Variants in WWOX observed in about 807,000 individuals in gnomAD.
WWOX encodes the protein WW domain containing oxidoreductase.
In WWOX, 69 loss-of-function variants were observed where a neutral mutation model predicts 46.2. That is an observed-to-expected ratio of 1.49 (90% CI 1.23 to 1.82). The LOEUF (loss-of-function observed/expected upper bound fraction) is 1.82, where lower values mean the gene tolerates loss of function less well. Ranked by LOEUF, WWOX falls within the 40% of genes most tolerant of loss-of-function variation. The pLI, the probability that WWOX is intolerant of heterozygous loss-of-function variation, is 0.00. For synonymous variants in WWOX, 359 were observed against 202.6 expected, an observed-to-expected ratio of 1.77 and a Z score of -6.56; for missense variants, 919 against 542.6, an observed-to-expected ratio of 1.69 and a Z score of -6.89.
chr16:78,444,439 A>G (rs2083512785), intron 8 of WWOX, among the ~76,000 whole-genome samples: 1 of 152,138 alleles, frequency 6.6e-6, no homozygotes, highest in Non-Finnish European at 1.5e-5. Context: ...TAAATTTTGG[A>G]TGAAAACTGA....
intron 8 of WWOX, among the ~76,000 whole-genome samples, chr16:79,181,897 G>A (rs1479632322): frequency 6.6e-6 from 1 of 152,120 alleles, no homozygotes; most frequent in Non-Finnish European, 1.5e-5. Flanking sequence ...GTTCCCCACT[G>A]GGATAGAGCA....
rs1403466206 is a variant in WWOX at position 78,278,785 on chromosome 16, A to ATC, written c.517-108075_517-108074insTC. ...CTGACAGACATGTACGATTTGCAAC[A>ATC]ACATCTATTATATGATTTAATTTAT... On this transcript the variant is annotated intron_variant, in intron 5 of 8. Transcript: ENST00000566780. 6 of 835,094 alleles carry ATC rather than the reference A, an allele frequency of 7.2e-6. No individual in the cohort carries two copies. In the African/African-American group the frequency reaches 8.6e-5, roughly 12 times the overall value. 51.7% of individuals were successfully genotyped at this position (835,094 alleles called of 1,614,324 possible).
At chr16:79,049,723 C>G (rs953461832) in intron 8 of WWOX, among the ~76,000 whole-genome samples, 43 of 151,930 alleles carry the variant, frequency 2.8e-4, no homozygotes, top group Middle Eastern at 3.4e-3. Flanking sequence ...GTAATCCCAG[C>G]CACTTGGGAG....
At chr16:78,741,459 C>G (rs1026027707) in intron 8 of WWOX, among the ~76,000 whole-genome samples, 2 of 152,150 alleles carry the variant, frequency 1.3e-5, no homozygotes, top group Non-Finnish European at 2.9e-5. Context: ...ACTCGGGAGG[C>G]TGAGGCAGGA....
At chr16:78,303,394 A>G (rs2080077095) in intron 5 of WWOX, among the ~76,000 whole-genome samples, 2 of 152,190 alleles carry the variant, frequency 1.3e-5, no homozygotes, top group Non-Finnish European at 2.9e-5. Flanking sequence ...CAGCCTACAC[A>G]GACATGAAAC....
At chr16:78,791,162 CT>C (rs1382526197) in intron 8 of WWOX, among the ~76,000 whole-genome samples, 1 of 152,066 alleles carries the variant, frequency 6.6e-6, no homozygotes, top group African/African-American at 2.4e-5. Context: ...TGACTCAGTG[CT>C]TTCCTGACTA....
At chr16:79,007,151 C>T (rs953657837) in intron 8 of WWOX, among the ~76,000 whole-genome samples, 1 of 152,126 alleles carries the variant, frequency 6.6e-6, no homozygotes, top group Admixed American at 6.5e-5. Flanking sequence ...ACTTCCAAAA[C>T]TTATGTTCCA....
At chr16:78,872,645 C>A (rs976428274) in intron 8 of WWOX, 1 of 152,088 alleles carries the variant, frequency 6.6e-6, no homozygotes, top group Non-Finnish European at 1.5e-5. Flanking sequence ...TTTTGCTTAC[C>A]TCACATTTGC....
At chr16:78,685,901 CAAAAAA>C (rs1456346932) in intron 8 of WWOX, among the ~76,000 whole-genome samples, 4 of 52,184 alleles carry the variant, frequency 7.7e-5, no homozygotes, top group Non-Finnish European at 2.8e-4. Flanking sequence ...GGAAAAAAAA[CAAAAAA>C]GAAAAAGAAA....
At chr16:78,931,746 G>A (rs1178324102) in intron 8 of WWOX, among the ~76,000 whole-genome samples, 1 of 152,214 alleles carries the variant, frequency 6.6e-6, no homozygotes, top group East Asian at 1.9e-4. Flanking sequence ...GCAGAAGTTT[G>A]AAGGCAATTC....
At chr16:78,157,468 G>A (rs1031183647) in intron 4 of WWOX, among the ~76,000 whole-genome samples, 2 of 152,176 alleles carry the variant, frequency 1.3e-5, no homozygotes, top group Admixed American at 6.5e-5. Flanking sequence ...TTGCTTTAAA[G>A]GTTGGAGATA....
intron 8 of WWOX, among the ~76,000 whole-genome samples, chr16:79,174,085 G>A (rs1200590420): frequency 6.6e-6 from 1 of 152,154 alleles, no homozygotes; most frequent in African/African-American, 2.4e-5. Context: ...ATTTGACCTT[G>A]ATCTTGTGAG....
chr16:78,707,806 G>C lies in WWOX; in HGVS notation c.1056+275054G>C, dbSNP rs1373228102. On this transcript the variant is annotated intron_variant, in intron 8 of 8. Coordinates refer to ENST00000566780, the MANE Select transcript of WWOX (RefSeq NM_016373.4). The stretch of plus-strand genomic sequence containing the variant: ...GCTGAGGCAGGAGAACTGCACTCTA[G>C]CCTGTGCTAGAGAGCGAGACTCTGT... 4.0e-5 allele frequency among the ~76,000 whole-genome samples: 6 copies of C among 151,648 alleles called. No individual in the cohort carries two copies. The East Asian group carries it at 1.2e-3, about 30-fold the overall frequency.
chr16:78,296,002 G>A (rs1164146212), intron 5 of WWOX, among the ~76,000 whole-genome samples: 1 of 152,198 alleles, frequency 6.6e-6, no homozygotes, highest in Non-Finnish European at 1.5e-5. Flanking sequence ...CAGCTTCTTT[G>A]GGTCATCACT....
intron 8 of WWOX, chr16:78,996,280 C>T (rs191515457): frequency 3.0e-5 from 30 of 984,628 alleles, no homozygotes; most frequent in Admixed American, 6.2e-5. Context: ...CAGCTGGGTG[C>T]TCCCTGGAAG....
At chr16:78,639,008 T>G (rs2046640838) in intron 8 of WWOX, among the ~76,000 whole-genome samples, 1 of 152,194 alleles carries the variant, frequency 6.6e-6, no homozygotes, top group Admixed American at 6.5e-5. Context: ...GTATCAGGGC[T>G]GCTTTCCTTT....
At position 78,855,147 on chromosome 16, in the gene WWOX, A is replaced by G. The variant is rs548953023; in HGVS notation, c.1057-356461A>G. On this transcript the variant is annotated intron_variant, in intron 8 of 8. Coordinates refer to ENST00000566780, the MANE Select transcript of WWOX (RefSeq NM_016373.4). The stretch of plus-strand genomic sequence containing the variant: ...TTTAAATCTCTTTCTGTTAATTTAC[A>G]ATTTGAAAGGTGGGTGAGGAGAAGA... 2.0e-4 allele frequency among the ~76,000 whole-genome samples: 30 copies of G among 152,244 alleles called. No homozygotes were observed. In the South Asian group the frequency reaches 6.0e-3, roughly 31 times the overall value.
intron 8 of WWOX, among the ~76,000 whole-genome samples, chr16:78,773,356 G>C (rs528065132): frequency 2.0e-5 from 3 of 152,170 alleles, no homozygotes; most frequent in Admixed American, 1.3e-4. Context: ...ATGTTCAGCT[G>C]TTTCCTAGCT....
chr16:79,133,887 T>C lies in WWOX; in HGVS notation c.1057-77721T>C, dbSNP rs544901603. ...CAAAAAATGTGCAAAATCTTGGAGG[T>C]AGATTTTTTTGGGGGCATTTGTCAG... On this transcript the variant is annotated intron_variant, in intron 8 of 8. Transcript: ENST00000566780. Among the ~76,000 whole-genome samples, 4 of 152,302 alleles carry C rather than the reference T, an allele frequency of 2.6e-5. No individual in the cohort carries two copies. The South Asian group carries it at 8.3e-4, about 32-fold the overall frequency.
Sources: gnomAD v4.1 joint callset for allele counts (sites outside exome capture counted in the v4.1 genomes callset) on GRCh38, gnomAD v4.1.1 for gene constraint, MANE v1.5 for transcripts, NCBI Gene and HGNC (gene_info 2026-07-23, HGNC 2026-07-21) for gene names.